The following NME7 variants were observed in gnomAD, a reference collection of about 807,000 sequenced individuals.
The protein encoded by NME7 is NME/NM23 family member 7, also known as nucleoside diphosphate kinase 7.
In NME7, 41 loss-of-function variants were observed where a neutral mutation model predicts 49.1. The ratio of observed to expected loss-of-function variants is 0.83; its 90% CI spans 0.65 to 1.08. The LOEUF (loss-of-function observed/expected upper bound fraction) is 1.08. Ranked by LOEUF, NME7 falls within the 50% of genes least tolerant of loss-of-function variation. NME7 has a pLI of 0.00. For synonymous variants in NME7, 139 were observed against 150.6 expected, an observed-to-expected ratio of 0.92 and a Z score of 0.56; for missense variants, 423 against 463.4, an observed-to-expected ratio of 0.91 and a Z score of 0.80.
At chr1:169,337,025 G>A (rs1188582688) in intron 1 of NME7, among the ~76,000 whole-genome samples, 4 of 152,246 alleles carry the variant, frequency 2.6e-5, no homozygotes, top group Non-Finnish European at 4.4e-5. Context: ...AGTGGATCCC[G>A]CACCGGGGCT....
chr1:169,202,456 T>C (rs1660576960), intron 10 of NME7, among the ~76,000 whole-genome samples: 1 of 152,198 alleles, frequency 6.6e-6, no homozygotes, highest in Admixed American at 6.5e-5. Flanking sequence ...TATAAAACCA[T>C]GAGCCAATTA....
intron 10 of NME7, among the ~76,000 whole-genome samples, chr1:169,196,845 T>C (rs940098446): frequency 2.6e-5 from 4 of 152,178 alleles, no homozygotes; most frequent in African/African-American, 9.6e-5. Flanking sequence ...GCTAGAATGG[T>C]ATGAAAACTG....
intron 1 of NME7, among the ~76,000 whole-genome samples, chr1:169,359,093 A>G (rs1653561091): frequency 6.6e-6 from 1 of 152,104 alleles, no homozygotes; most frequent in African/African-American, 2.4e-5. Flanking sequence ...TCCTACAGAT[A>G]CCAGAATCCT....
At chr1:169,161,613 G>A (rs963082663) in intron 11 of NME7, among the ~76,000 whole-genome samples, 3 of 152,162 alleles carry the variant, frequency 2.0e-5, no homozygotes, top group Admixed American at 6.5e-5. Context: ...GAGGAGTCTA[G>A]CATAGCTGAC....
chr1:169,236,217 A>C (rs1165677870), intron 8 of NME7, among the ~76,000 whole-genome samples: 1 of 152,156 alleles, frequency 6.6e-6, no homozygotes, highest in East Asian at 1.9e-4. Context: ...TTGAGCCAGA[A>C]ATGATTATTT....
intron 10 of NME7, among the ~76,000 whole-genome samples, chr1:169,192,505 CTATTT>C (rs1431249200): frequency 2.0e-5 from 3 of 152,046 alleles, no homozygotes; most frequent in Admixed American, 6.6e-5. Flanking sequence ...AATTACTACA[CTATTT>C]TATATCAGGG....
At chr1:169,178,820 CTTTTTT>C (rs57619644) in intron 10 of NME7, among the ~76,000 whole-genome samples, 1 of 124,336 alleles carries the variant, frequency 8.0e-6, no homozygotes, top group South Asian at 2.5e-4. Context: ...GAAACCTCTT[CTTTTTT>C]TTTTTTTTTT....
At chr1:169,287,502 T>A in intron 6 of NME7, 94 bp from the exon 7 acceptor site, 1 of 902,928 alleles carries the variant, frequency 1.1e-6, no homozygotes, top group East Asian at 2.6e-5. Context: ...GCAATTACTT[T>A]TAGAGTTTCA....
chr1:169,223,572 G>A (rs1399603392), intron 10 of NME7, among the ~76,000 whole-genome samples: 1 of 152,056 alleles, frequency 6.6e-6, no homozygotes, highest in Non-Finnish European at 1.5e-5. Context: ...GCTGGCTTCT[G>A]TGTCCTATTG....
chr1:169,355,283 T>C (rs1180247648), intron 1 of NME7, among the ~76,000 whole-genome samples: 1 of 101,490 alleles, frequency 9.9e-6, no homozygotes, highest in African/African-American at 4.0e-5. Context: ...ATATTATATA[T>C]AATATATTGT....
intron 7 of NME7, among the ~76,000 whole-genome samples, chr1:169,240,480 T>C (rs1325853389): frequency 6.6e-6 from 1 of 152,080 alleles, no homozygotes; most frequent in Non-Finnish European, 1.5e-5. Context: ...TAACTGTGTA[T>C]ATTTTCCTTT....
intron 7 of NME7, among the ~76,000 whole-genome samples, chr1:169,251,353 A>C (rs1230473609): frequency 1.3e-5 from 2 of 151,962 alleles, no homozygotes; most frequent in Non-Finnish European, 2.9e-5. Context: ...CTATACCCTA[A>C]GTTTATATGA....
In NME7 at chr1:169,298,781, G is replaced by T; in HGVS notation, c.441-18C>A. 1.2e-6 allele frequency: 2 copies of T among 1,601,254 alleles called. No individual in the cohort carries two copies. The highest frequency in any genetic ancestry group is 2.2e-5 in the South Asian group (2 of 89,968). On this transcript the variant is annotated intron_variant, in intron 5 of 11. Coordinates refer to ENST00000367811, the MANE Select transcript of NME7 (RefSeq NM_013330.5). ...TCAGCTCACTACAAAACAGATAGAA[G>T]ATTAGTTTGCTTCTTTTTTCTGTCA...
chr1:169,235,150 C>A lies in NME7; in HGVS notation c.869G>T (p.Gly290Val), dbSNP rs1192399805. ...NVEEFYEVYK[G>V]VVTEYHDMVT... is the part of the protein sequence containing the mutation. ...ACTTACATGATATTCGGTCACTACT[C>A]CTTTATAAACTTCATAGAATTCCTC... Residue 290 changes from glycine (G) to valine (V), a missense_variant, in exon 9 of 12, where the codon GGA becomes GTA. By Grantham distance (109) the Gly-to-Val change is moderately radical. Coordinates refer to ENST00000367811, the MANE Select transcript of NME7 (RefSeq NM_013330.5). 1 of 1,531,170 alleles carries A rather than the reference C, an allele frequency of 6.5e-7. No homozygotes were observed. Among genetic ancestry groups the A allele is most frequent in the Admixed American group, 1.8e-5 (1 of 56,610 alleles). 94.8% of individuals were successfully genotyped at this position (1,531,170 alleles called of 1,614,324 possible). A position where few individuals can be genotyped will look rare whatever the true frequency, so the allele number is the denominator to read the frequency against.
At chr1:169,239,749 A>C (rs933805340) in intron 7 of NME7, among the ~76,000 whole-genome samples, 2 of 152,040 alleles carry the variant, frequency 1.3e-5, no homozygotes, top group African/African-American at 4.8e-5. Flanking sequence ...ACTTTATATA[A>C]AGAGCTGGAG....
intron 4 of NME7, among the ~76,000 whole-genome samples, chr1:169,304,702 G>T (rs1210864645): frequency 6.6e-6 from 1 of 152,120 alleles, no homozygotes; most frequent in Non-Finnish European, 1.5e-5. Flanking sequence ...AGTTCAGCAT[G>T]GTTACATAAG....
At chr1:169,298,864 A>AT (rs775598496) in intron 5 of NME7, 101 bp from the exon 6 acceptor site, 8 of 949,016 alleles carry the variant, frequency 8.4e-6, no homozygotes, top group Non-Finnish European at 1.2e-5. Flanking sequence ...CAACATAGAC[A>AT]TGAATATTAT....
In NME7 at chr1:169,262,719, T is replaced by C. The variant is rs758710408; in HGVS notation, c.754+24584A>G. Among the ~76,000 whole-genome samples, 20 of 133,728 alleles carry C rather than the reference T, an allele frequency of 1.5e-4. 6 individuals carry two copies. The highest frequency in any genetic ancestry group is 2.9e-4 in the Admixed American group (4 of 13,708). 87.7% of individuals were successfully genotyped at this position (133,728 alleles called of 152,430 possible). On this transcript the variant is annotated intron_variant, in intron 7 of 11. Coordinates refer to ENST00000367811, the MANE Select transcript of NME7 (RefSeq NM_013330.5). ...TGACAGCCCCCAGGGGGACTCACCC[T>C]TACCACATGGACCCATGCAAGACTG...
intron 5 of NME7, among the ~76,000 whole-genome samples, chr1:169,300,376 C>T (rs1650891232): frequency 6.6e-6 from 1 of 152,060 alleles, no homozygotes. Context: ...TTCTTACATA[C>T]AAATTTTTTT....
Sources: allele counts gnomAD v4.1 joint callset (sites outside exome capture counted in the v4.1 genomes callset), GRCh38; gene constraint gnomAD v4.1.1; transcripts MANE v1.5; gene names NCBI Gene and HGNC (gene_info 2026-07-23, HGNC 2026-07-21).